SLC5A5: variants seen among roughly 807,000 people sequenced by gnomAD.
SLC5A5 encodes sodium/iodide cotransporter.
A neutral mutation model predicts 68.6 loss-of-function variants in SLC5A5; 56 were observed. The observed-to-expected ratio is 0.82, with a 90% CI of 0.66 to 1.02. The LOEUF (loss-of-function observed/expected upper bound fraction) is 1.02. SLC5A5 is among the 50% of genes least tolerant of loss of function. The pLI is 0.00. For synonymous variants in SLC5A5, 398 were observed against 373.0 expected (o/e 1.07, Z -0.77); for missense variants, 807 against 859.8 (o/e 0.94, Z 0.77).
chr19:17,872,162 G>A lies in SLC5A5; in HGVS notation c.-158G>A, dbSNP rs1427892102. ...ATAGATTCCTAACCCAGGGAGCCCC[G>A]GCCCCTCTCGCCGCTTCCCACCCCA... is the stretch of plus-strand genomic sequence containing the variant. On this transcript the variant is annotated 5_prime_UTR_variant, in exon 1 of 15. Transcript: ENST00000222248. 3.3e-6 allele frequency: 2 copies of A among 610,364 alleles called. No individual in the cohort carries two copies. The highest frequency in any genetic ancestry group is 3.8e-5 in the African/African-American group (2 of 53,222). The allele number at this position is 610,364 out of a possible 1,614,324, so 37.8% of individuals were successfully genotyped here.
Position 17,877,858 on chromosome 19 carries a change from C to T in SLC5A5, c.834C>T (p.Ala278=). 6.2e-7 allele frequency: 1 copy of T among 1,614,204 alleles called. No individual in the cohort carries two copies. The highest frequency in any genetic ancestry group is 8.5e-7 in the Non-Finnish European group (1 of 1,180,046). ...TGGCTTGCCGCACAGAGAAGCAGGCCAAGCTGTGAGTGTTTCGGGGAGCAA... is the reference window on the plus strand; with the variant it reads ...TGGCTTGCCGCACAGAGAAGCAGGCTAAGCTGTGAGTGTTTCGGGGAGCAA... ...RYVACRTEKQ[A]KLALLINQVG... The change falls in exon 6 of 15, where the codon GCC becomes GCT. Residue 278 remains alanine, a synonymous_variant. Coordinates refer to ENST00000222248, the MANE Select transcript of SLC5A5 (RefSeq NM_000453.3).
At chr19:17,884,329 G>A (rs1018852563) in intron 12 of SLC5A5, among the ~76,000 whole-genome samples, 3 of 152,074 alleles carry the variant, frequency 2.0e-5, no homozygotes, top group Non-Finnish European at 2.9e-5. Context: ...ACAGAGCCTC[G>A]CTCTGTGGTC....
In SLC5A5 at chr19:17,872,276, A is replaced by C. The variant is rs1412204900; in HGVS notation, c.-44A>C. 1 of 1,149,952 alleles carries C rather than the reference A, an allele frequency of 8.7e-7. No homozygotes were observed. Among genetic ancestry groups the C allele is most frequent in the East Asian group, 5.6e-5 (1 of 17,980 alleles). The allele number at this position is 1,149,952 out of a possible 1,614,324, so 71.2% of individuals were successfully genotyped here. A position where few individuals can be genotyped will look rare whatever the true frequency, so the allele number is the denominator to read the frequency against. On this transcript the variant is annotated 5_prime_UTR_variant, in exon 1 of 15. Transcript: ENST00000222248. ...CCCTGCCAGCTTCCCCCGCTTGAGC[A>C]CGCAGGGCGTCCGAGGACGCGCTGG...
Position 17,874,538 on chromosome 19 carries a change from G to A in SLC5A5, c.468G>A (p.Leu156=). ...TAATCTACGCACCGGCCCTCATCCT[G>A]AACCAAGGTGTGACTCTGGGAGATT... ...GIVIYAPALI[L]NQVTGLDIWA... The change falls in exon 3 of 15, where the codon CTG becomes CTA. Residue 156 remains leucine, a synonymous_variant. Transcript: ENST00000222248. 6.2e-7 allele frequency: 1 copy of A among 1,613,938 alleles called. No homozygotes were observed. Among genetic ancestry groups the A allele is most frequent in the South Asian group, 1.1e-5 (1 of 91,062 alleles).
At chr19:17,887,350 A>G (rs1300622875) in intron 12 of SLC5A5, among the ~76,000 whole-genome samples, 1 of 152,062 alleles carries the variant, frequency 6.6e-6, no homozygotes, top group East Asian at 1.9e-4. Flanking sequence ...GCTGGAGTGC[A>G]GTGGTGCGAT....
At chr19:17,888,541 A>G in intron 13 of SLC5A5, 86 bp downstream of exon 13, 30 of 1,459,980 alleles carry the variant, frequency 2.1e-5, no homozygotes, top group Non-Finnish European at 2.7e-5. Context: ...GGGAGAAAGG[A>G]CGCTCCCATT....
Position 17,882,243 on chromosome 19 carries a change from C to T in SLC5A5, c.1242+24C>T, listed in dbSNP as rs562446390. 6 of 1,595,746 alleles carry T rather than the reference C, an allele frequency of 3.8e-6. No homozygotes were observed. In the African/African-American group the frequency reaches 8.0e-5, roughly 21 times the overall value. On this transcript the variant is annotated intron_variant, in intron 10 of 14. Transcript: ENST00000222248. Reference sequence around the variant, plus strand: ...AGGTGAGACCCCACCTGCCCCCTGCCCTGGTCTCCTGAGAGGTGGGGGCAC... The same window carrying T: ...AGGTGAGACCCCACCTGCCCCCTGCTCTGGTCTCCTGAGAGGTGGGGGCAC...
chr19:17,883,713 C>T lies in SLC5A5; in HGVS notation c.1275C>T (p.Gly425=), dbSNP rs144760671. ...TCACCGTCATGGGAGTCATCAGCGG[C>T]CCCCTGCTGGGAGCCTTCATCTTGG... ...GSFTVMGVIS[G]PLLGAFILGM... is the part of the protein sequence containing the mutation. Residue 425 remains glycine (G), a synonymous_variant, in exon 11 of 15, where the codon GGC becomes GGT. Coordinates refer to ENST00000222248, the MANE Select transcript of SLC5A5 (RefSeq NM_000453.3). The T allele has an allele frequency of 1.9e-4, 309 of 1,613,660 alleles. No individual in the cohort carries two copies. The African/African-American group carries it at 3.5e-3, about 18-fold the overall frequency.
intron 13 of SLC5A5, among the ~76,000 whole-genome samples, chr19:17,890,087 T>G (rs2030105817): frequency 6.6e-6 from 1 of 152,106 alleles, no homozygotes; most frequent in Non-Finnish European, 1.5e-5. Flanking sequence ...TTTGTTTTTT[T>G]GAGATGGAGT....
At chr19:17,874,244 A>G in intron 2 of SLC5A5, 41 bp downstream of exon 2, 1 of 1,436,476 alleles carries the variant, frequency 7.0e-7, no homozygotes, top group Non-Finnish European at 9.8e-7. Context: ...GGGCCCCGAG[A>G]GCGTCAGCCT....
intron 5 of SLC5A5, among the ~76,000 whole-genome samples, chr19:17,877,290 A>C (rs1423768188): frequency 6.6e-6 from 1 of 151,570 alleles, no homozygotes; most frequent in Non-Finnish European, 1.5e-5. Flanking sequence ...TCCATTTATT[A>C]TTTATTTATT....
intron 12 of SLC5A5, among the ~76,000 whole-genome samples, chr19:17,885,547 T>G (rs2094331248): frequency 6.6e-6 from 1 of 151,566 alleles, no homozygotes; most frequent in Admixed American, 6.6e-5. Flanking sequence ...CTGGGCTAAA[T>G]TTTTTGTATT....
intron 13 of SLC5A5, among the ~76,000 whole-genome samples, chr19:17,889,785 G>T (rs969500976): frequency 6.6e-6 from 1 of 152,224 alleles, no homozygotes; most frequent in Admixed American, 6.5e-5. Context: ...ATATGGGTTG[G>T]GGCGGGCGGC....
intron 14 of SLC5A5, among the ~76,000 whole-genome samples, chr19:17,892,691 A>AGAGC (rs1555755263): frequency 6.7e-6 from 1 of 150,110 alleles, no homozygotes; most frequent in African/African-American, 2.5e-5. Context: ...AGAGAGAGAG[A>AGAGC]GAGAGAGCAA....
chr19:17,872,218 T>TGCCCCCCCCCCCCCCCCCCC lies in SLC5A5; in HGVS notation c.-102_-101insGCCCCCCCCCCCCCCCCCCC. Reference sequence around the variant, plus strand: ...AGCGGGGACAGGCTGCCGAGCATCCTCCCACCCGCCCTCCCCGTCCTGCCT... The same window carrying TGCCCCCCCCCCCCCCCCCCC: ...AGCGGGGACAGGCTGCCGAGCATCCTGCCCCCCCCCCCCCCCCCCCCCCACCCGCCCTCCCCGTCCTGCCT... On this transcript the variant is annotated 5_prime_UTR_variant, in exon 1 of 15. Transcript: ENST00000222248. 2 of 456,252 alleles carry TGCCCCCCCCCCCCCCCCCCC rather than the reference T, an allele frequency of 4.4e-6. No homozygotes were observed. The highest frequency in any genetic ancestry group is 8.4e-6 in the Non-Finnish European group (2 of 238,854). The allele number at this position is 456,252 out of a possible 1,614,324, so 28.3% of individuals were successfully genotyped here.
rs772763011 is a variant in SLC5A5 at position 17,894,143 on chromosome 19, C to CTTTTTTTT, written c.*281_*288dup. The CTTTTTTTT allele has an allele frequency of 6.5e-5, 17 of 263,134 alleles. No homozygotes were observed. The highest frequency in any genetic ancestry group is 3.2e-4 in the South Asian group (9 of 27,976). The allele number at this position is 263,134 out of a possible 1,614,324, so 16.3% of individuals were successfully genotyped here. ...AATAAGGCTGGGTTTTTCTCTCTCT[C>CTTTTTTTT]TTTTTTTTTTTTTTTTTTTTTTGAG... On this transcript the variant is annotated 3_prime_UTR_variant, in exon 15 of 15. Transcript: ENST00000222248.
intron 7 of SLC5A5, among the ~76,000 whole-genome samples, chr19:17,879,019 G>A (rs1488913704): frequency 6.8e-6 from 1 of 147,778 alleles, no homozygotes; most frequent in Admixed American, 6.9e-5. Flanking sequence ...AAGGCTGGGC[G>A]CGGTGGCTTA....
In SLC5A5 at chr19:17,872,494, G is replaced by A; in HGVS notation, c.175G>A (p.Val59Met). The change falls in exon 1 of 15, where the codon GTG becomes ATG. Residue 59 changes from valine to methionine, a missense_variant. Coordinates refer to ENST00000222248, the MANE Select transcript of SLC5A5 (RefSeq NM_000453.3). The stretch of plus-strand genomic sequence containing the variant: ...GGGCCGGCGCCTGGCGGCCCTGCCC[G>A]TGGGCCTGTCGCTGTCTGCCAGCTT... ...TGGRRLAALP[V>M]GLSLSASFMS... 1.9e-6 allele frequency: 3 copies of A among 1,612,388 alleles called. No homozygotes were observed. Among genetic ancestry groups the A allele is most frequent in the Non-Finnish European group, 1.7e-6 (2 of 1,179,780 alleles).
At chr19:17,878,366 G>A (rs12461836) in intron 7 of SLC5A5, among the ~76,000 whole-genome samples, 14 of 152,072 alleles carry the variant, frequency 9.2e-5, no homozygotes, top group Non-Finnish European at 1.6e-4. Flanking sequence ...TTAGCTGGAC[G>A]TGGTGGCACG....
Sources: gnomAD v4.1 joint callset for allele counts (sites outside exome capture counted in the v4.1 genomes callset) on GRCh38, gnomAD v4.1.1 for gene constraint, MANE v1.5 for transcripts, NCBI Gene and HGNC (gene_info 2026-07-23, HGNC 2026-07-21) for gene names.